FRMD4A: variants seen among roughly 807,000 people sequenced by gnomAD.
FRMD4A encodes FERM domain containing 4A, also known as FERM domain-containing protein 4A.
Under a neutral mutation model 129.1 loss-of-function variants are expected in FRMD4A, and 29 were observed. The ratio of observed to expected loss-of-function variants is 0.22; its 90% CI spans 0.17 to 0.31. The LOEUF is 0.31. Among genes scored for constraint, FRMD4A ranks in the 10% least tolerant of loss-of-function variants. The pLI, the probability that FRMD4A is intolerant of heterozygous loss-of-function variation, is 1.00. For missense variants in FRMD4A, 1,272 were observed against 1,375.8 expected (o/e 0.92, Z 1.19); for synonymous variants, 634 against 571.6 (o/e 1.11, Z -1.56).
At chr10:14,172,067 G>A (rs570576324) in intron 2 of FRMD4A, among the ~76,000 whole-genome samples, 1 of 152,314 alleles carries the variant, frequency 6.6e-6, no homozygotes, top group South Asian at 2.1e-4. Context: ...GCCCAGTCAG[G>A]TCTTGTTCCC....
chr10:14,132,382 A>G (rs1358576983), intron 2 of FRMD4A, among the ~76,000 whole-genome samples: 1 of 152,248 alleles, frequency 6.6e-6, no homozygotes, highest in Non-Finnish European at 1.5e-5. Flanking sequence ...TCTAACAACC[A>G]GAATGAGAAG....
chr10:14,000,645 T>TAAAAAAAA, intron 2 of FRMD4A, among the ~76,000 whole-genome samples: 1 of 1,500 alleles, frequency 6.7e-4, no homozygotes, highest in Non-Finnish European at 2.9e-3. Context: ...AGACGCCACC[T>TAAAAAAAA]CAAAAAAAAA....
chr10:14,007,153 A>G (rs1389857750), intron 2 of FRMD4A: 1 of 152,196 alleles, frequency 6.6e-6, no homozygotes, highest in Non-Finnish European at 1.5e-5. Context: ...TGATCTAACA[A>G]GAGAGCTTCA....
chr10:14,195,784 C>T (rs765567551), intron 2 of FRMD4A, among the ~76,000 whole-genome samples: 2 of 152,162 alleles, frequency 1.3e-5, no homozygotes, highest in Non-Finnish European at 2.9e-5. Context: ...TCCTTGGATC[C>T]AGTGTACTGT....
chr10:13,983,918 G>A (rs956112514), intron 2 of FRMD4A, among the ~76,000 whole-genome samples: 3 of 151,886 alleles, frequency 2.0e-5, no homozygotes, highest in African/African-American at 7.3e-5. Context: ...CAGGAGAATC[G>A]CTTGAACCTG....
At chr10:13,783,547 A>AT (rs57973701) in intron 5 of FRMD4A, among the ~76,000 whole-genome samples, 4,987 of 145,804 alleles carry the variant, frequency 0.034, 198 homozygotes, top group African/African-American at 0.097. Flanking sequence ...ACCACGCCTA[A>AT]TTTTTTTTTT....
Position 13,881,048 on chromosome 10 carries a change from T to G in FRMD4A, c.46-22136A>C, listed in dbSNP as rs572508361. On this transcript the variant is annotated intron_variant, in intron 2 of 24. Transcript: ENST00000357447. Reference sequence around the variant, plus strand: ...TGAATGGGTGGGTGCATGAATGAATTAATGAATGAACTTGTGGCACTCAAA... The same window carrying G: ...TGAATGGGTGGGTGCATGAATGAATGAATGAATGAACTTGTGGCACTCAAA... Among the ~76,000 whole-genome samples, 6 of 152,154 alleles carry G rather than the reference T, an allele frequency of 3.9e-5. No individual in the cohort carries two copies. In the East Asian group the frequency reaches 5.8e-4, roughly 15 times the overall value.
intron 3 of FRMD4A, among the ~76,000 whole-genome samples, chr10:13,836,005 A>AT (rs2093867589): frequency 6.6e-6 from 1 of 151,778 alleles, no homozygotes; most frequent in Non-Finnish European, 1.5e-5. Context: ...AGAATTCAAG[A>AT]TTTTGTTTTT....
intron 2 of FRMD4A, among the ~76,000 whole-genome samples, chr10:14,316,312 T>C (rs1172381322): frequency 6.6e-6 from 1 of 151,946 alleles, no homozygotes; most frequent in Non-Finnish European, 1.5e-5. Context: ...GGTGGAATTG[T>C]GCTGTTATAA....
At position 13,747,785 on chromosome 10, in the gene FRMD4A, G is replaced by T; in HGVS notation, c.499C>A (p.Pro167Thr). The change falls in exon 9 of 25, where the codon CCA becomes ACA. Residue 167 changes from proline to threonine, a missense_variant. Coordinates refer to ENST00000357447, the MANE Select transcript of FRMD4A (RefSeq NM_018027.5). Reference sequence around the variant, plus strand: ...TTCAGGGCTTGGGTGGGAAGGGCTGGCAGCTTCTTCAAGTCACTCCTCACA... The same window carrying T: ...TTCAGGGCTTGGGTGGGAAGGGCTGTCAGCTTCTTCAAGTCACTCCTCACA... ...EVVRSDLKKLPALPTQALKEH... is the reference protein window; with the variant it reads ...EVVRSDLKKLTALPTQALKEH... 6.2e-7 allele frequency: 1 copy of T among 1,606,310 alleles called. No homozygotes were observed. The highest frequency in any genetic ancestry group is 8.5e-7 in the Non-Finnish European group (1 of 1,173,080).
Position 14,013,823 on chromosome 10 carries a change from C to T in FRMD4A, c.46-154911G>A, listed in dbSNP as rs185410794. Among the ~76,000 whole-genome samples, 148 of 152,158 alleles carry T rather than the reference C, an allele frequency of 9.7e-4. 2 individuals carry two copies. The highest frequency in any genetic ancestry group is 3.3e-3 in the African/African-American group (136 of 41,524). ...GTGCATCCCTGTAATCCCAGTTACT[C>T]GGGAGGCTGAGGCAGGAGAATCACT... On this transcript the variant is annotated intron_variant, in intron 2 of 24. Transcript: ENST00000357447.
At chr10:13,787,975 G>A (rs2092909905) in intron 5 of FRMD4A, among the ~76,000 whole-genome samples, 1 of 152,166 alleles carries the variant, frequency 6.6e-6, no homozygotes, top group South Asian at 2.1e-4. Flanking sequence ...GGAGCAGGGA[G>A]TGCTTCCAGG....
chr10:14,183,124 G>C (rs1841965894), intron 2 of FRMD4A, among the ~76,000 whole-genome samples: 1 of 152,168 alleles, frequency 6.6e-6, no homozygotes, highest in Non-Finnish European at 1.5e-5. Flanking sequence ...GAACACTGAA[G>C]TTTACAGAGT....
intron 2 of FRMD4A, among the ~76,000 whole-genome samples, chr10:14,270,520 C>G (rs1488517386): frequency 2.0e-5 from 3 of 152,314 alleles, no homozygotes; most frequent in South Asian, 2.1e-4. Flanking sequence ...AGAGAGCCAT[C>G]TGGAGTTAGG....
chr10:13,707,410 C>T (rs2087571588), intron 12 of FRMD4A: 1 of 1,086,336 alleles, frequency 9.2e-7, no homozygotes. Context: ...TTGGTCGTGG[C>T]AGTCCCCAGC....
At chr10:14,017,982 C>G (rs924732331) in intron 2 of FRMD4A, among the ~76,000 whole-genome samples, 11 of 152,112 alleles carry the variant, frequency 7.2e-5, no homozygotes, top group Non-Finnish European at 1.6e-4. Context: ...GTGGACAAAT[C>G]CTTAGAGGTA....
At chr10:14,280,524 C>T (rs1490421290) in intron 2 of FRMD4A, among the ~76,000 whole-genome samples, 1 of 152,116 alleles carries the variant, frequency 6.6e-6, no homozygotes, top group East Asian at 1.9e-4. Flanking sequence ...AATTTACCTC[C>T]ATACAAGTCA....
At position 13,645,024 on chromosome 10, in the gene FRMD4A, A is replaced by T. The variant is rs2081033316; in HGVS notation, c.*2014T>A. ...AGCAGGCCCTGAATTGTCTAGAGAG[A>T]CTTGGTGGAGGAGGCCACGGCCCGC... On this transcript the variant is annotated 3_prime_UTR_variant, in exon 25 of 25. Coordinates refer to ENST00000357447, the MANE Select transcript of FRMD4A (RefSeq NM_018027.5). The T allele has an allele frequency of 6.6e-6, 1 of 151,740 alleles. No homozygotes were observed. Among genetic ancestry groups the T allele is most frequent in the South Asian group, 2.1e-4 (1 of 4,822 alleles). The allele number at this position is 151,740 out of a possible 1,614,324, so 9.4% of individuals were successfully genotyped here. A position where few individuals can be genotyped will look rare whatever the true frequency, so the allele number is the denominator to read the frequency against.
At chr10:14,179,915 T>C (rs1298216393) in intron 2 of FRMD4A, among the ~76,000 whole-genome samples, 3 of 152,118 alleles carry the variant, frequency 2.0e-5, no homozygotes, top group Non-Finnish European at 4.4e-5. Flanking sequence ...ACATCTATAG[T>C]CCCAGCTACT....
Sources: allele counts gnomAD v4.1 joint callset (sites outside exome capture counted in the v4.1 genomes callset), GRCh38; gene constraint gnomAD v4.1.1; transcripts MANE v1.5; gene names NCBI Gene and HGNC (gene_info 2026-07-23, HGNC 2026-07-21).